Variants in ZNF624 observed in about 807,000 individuals in gnomAD.
The protein encoded by ZNF624 is zinc finger protein 624.
In ZNF624, 43 loss-of-function variants were observed where a neutral mutation model predicts 74.7. The ratio of observed to expected loss-of-function variants is 0.58; its 90% CI spans 0.45 to 0.74. ZNF624 has a LOEUF of 0.74. Ranked by LOEUF, ZNF624 falls within the 30% of genes least tolerant of loss-of-function variation. ZNF624 has a pLI of 0.00. For missense variants in ZNF624, 820 were observed against 1,030.0 expected (o/e 0.80, Z 2.79); for synonymous variants, 331 against 341.3 (o/e 0.97, Z 0.33).
chr17:16,615,956 CATATATATATATATATATAT>C (rs56321425), downstream of ZNF624, among the ~76,000 whole-genome samples: 59 of 90,320 alleles, frequency 6.5e-4, 1 homozygote, highest in South Asian at 3.2e-3. Context: ...ATTCCATATA[CATATATATATATATATATAT>C]ATATATATAT....
intron 3 of ZNF624, among the ~76,000 whole-genome samples, chr17:16,636,054 C>A (rs1051717022): frequency 3.9e-5 from 6 of 152,138 alleles, no homozygotes; most frequent in African/African-American, 1.4e-4. Context: ...CTATGAAAGA[C>A]TACTAGGGTC....
intron 3 of ZNF624, among the ~76,000 whole-genome samples, chr17:16,644,548 C>G (rs926370030): frequency 6.6e-6 from 1 of 152,102 alleles, no homozygotes; most frequent in Non-Finnish European, 1.5e-5. Context: ...CTGATGCATA[C>G]AATGGAAACC....
intron 3 of ZNF624, among the ~76,000 whole-genome samples, chr17:16,636,690 G>C (rs940551742): frequency 2.0e-5 from 3 of 152,098 alleles, no homozygotes; most frequent in African/African-American, 7.2e-5. Flanking sequence ...CAAAAAATTA[G>C]CCGGGTGTGG....
chr17:16,615,893 A>G (rs934544521), downstream of ZNF624, among the ~76,000 whole-genome samples: 15 of 150,226 alleles, frequency 1.0e-4, no homozygotes, highest in African/African-American at 3.7e-4. Context: ...GAACAATTAT[A>G]AATAAGTGAA....
downstream of ZNF624, among the ~76,000 whole-genome samples, chr17:16,619,216 AAAT>A (rs757875942): frequency 6.6e-6 from 1 of 152,220 alleles, no homozygotes; most frequent in Non-Finnish European, 1.5e-5. Context: ...TCCATACCAT[AAAT>A]ATTAATTTCA....
chr17:16,646,535 A>G (rs2142650109), intron 3 of ZNF624, among the ~76,000 whole-genome samples: 1 of 152,380 alleles, frequency 6.6e-6, no homozygotes, highest in Non-Finnish European at 1.5e-5. Flanking sequence ...GAAGCTTGAC[A>G]AGACAGGTTT....
At chr17:16,634,177 C>G (rs1597494364) in intron 4 of ZNF624, among the ~76,000 whole-genome samples, 2 of 152,046 alleles carry the variant, frequency 1.3e-5, no homozygotes, top group African/African-American at 4.8e-5. Context: ...ATGGACTAGC[C>G]AAATTTCAAG....
At chr17:16,647,942 A>T (rs1248454400) in intron 2 of ZNF624, among the ~76,000 whole-genome samples, 8 of 149,942 alleles carry the variant, frequency 5.3e-5, no homozygotes, top group Non-Finnish European at 7.4e-5. Context: ...TTTATTTTTT[A>T]TTTTTTTTGA....
chr17:16,623,752 G>A lies in ZNF624; in HGVS notation c.1134C>T (p.His378=). Residue 378 remains histidine, a synonymous_variant, in exon 6 of 6, where the codon CAC becomes CAT. Transcript: ENST00000311331. The surrounding 1 kb of genome is among the most constrained non-coding windows in gnomAD (Gnocchi z 5.3). ...GTTTCTCTCCAGTTTGAATTCTCTG[G>A]TGCTGATTAAGACGGGCACACTGGC... is the stretch of plus-strand genomic sequence containing the variant. ...SFSQCARLNQ[H]QRIQTGEKPY... The A allele has an allele frequency of 6.2e-7, 1 of 1,613,924 alleles. No individual in the cohort carries two copies. The highest frequency in any genetic ancestry group is 8.5e-7 in the Non-Finnish European group (1 of 1,179,986).
At chr17:16,638,824 C>T (rs1249703728) in intron 3 of ZNF624, among the ~76,000 whole-genome samples, 1 of 151,748 alleles carries the variant, frequency 6.6e-6, no homozygotes, top group Non-Finnish European at 1.5e-5. Context: ...ACCTGCACAT[C>T]GTGCACATGT....
chr17:16,647,458 A>G, intron 2 of ZNF624, 64 bp from the exon 3 acceptor site: 1 of 1,343,968 alleles, frequency 7.4e-7, no homozygotes, highest in Non-Finnish European at 1.1e-6. Context: ...CAGAGCCTCA[A>G]CAAGCACCAC....
chr17:16,638,636 C>G (rs950958008), intron 3 of ZNF624, among the ~76,000 whole-genome samples: 1 of 152,112 alleles, frequency 6.6e-6, no homozygotes, highest in African/African-American at 2.4e-5. Flanking sequence ...ACTGAATGTT[C>G]TCACTCATAG....
chr17:16,642,137 T>C (rs1436020558), intron 3 of ZNF624, among the ~76,000 whole-genome samples: 5 of 152,202 alleles, frequency 3.3e-5, no homozygotes, highest in Admixed American at 6.5e-5. Flanking sequence ...GCTTTTTTTT[T>C]CCTGAAATGG....
At chr17:16,619,699 T>C (rs967572123), downstream of ZNF624, among the ~76,000 whole-genome samples, 53 of 152,200 alleles carry the variant, frequency 3.5e-4, no homozygotes, top group Non-Finnish European at 8.8e-5. Context: ...TCTAGTCAGG[T>C]TGGTGTGGGT....
At chr17:16,651,886 G>A (rs936125574) in intron 1 of ZNF624, among the ~76,000 whole-genome samples, 3 of 152,052 alleles carry the variant, frequency 2.0e-5, no homozygotes, top group Non-Finnish European at 2.9e-5. Context: ...GCTTGAACAA[G>A]TACACCTTAA....
At chr17:16,619,391 CATTT>C (rs768209735), downstream of ZNF624, among the ~76,000 whole-genome samples, 15 of 152,102 alleles carry the variant, frequency 9.9e-5, no homozygotes, top group South Asian at 6.2e-4. Flanking sequence ...CAAAGGACAT[CATTT>C]AGAGAGTGAA....
chr17:16,628,656 T>C (rs2142585353), intron 5 of ZNF624, among the ~76,000 whole-genome samples: 1 of 151,624 alleles, frequency 6.6e-6, no homozygotes, highest in South Asian at 2.1e-4. Flanking sequence ...ACATCCAGGA[T>C]AGGGTGAAAA....
intron 3 of ZNF624, among the ~76,000 whole-genome samples, chr17:16,646,539 C>CA (rs959489641): frequency 3.3e-5 from 5 of 152,114 alleles, no homozygotes; most frequent in Non-Finnish European, 7.4e-5. Flanking sequence ...CTTGACAAGA[C>CA]AGGTTTAAAG....
At position 16,622,422 on chromosome 17, in the gene ZNF624, C is replaced by T; in HGVS notation, c.2464G>A (p.Asp822Asn). Residue 822 changes from aspartate (D) to asparagine (N), a missense_variant, in exon 6 of 6, where the codon GAC (aspartate) becomes AAC (asparagine). Asp to Asn is a conservative substitution (Grantham distance 23, BLOSUM62 1). Transcript: ENST00000311331. ...TGCATCCTCAAGTGTACAGTAAAGT[C>T]TGAGTTAGTTCTGAAGGCTTTTCCA... is the stretch of plus-strand genomic sequence containing the variant. ...ECGKAFRTNS[D>N]FTVHLRMHTG... 1.2e-6 allele frequency: 2 copies of T among 1,613,626 alleles called. No individual in the cohort carries two copies. The highest frequency in any genetic ancestry group is 1.7e-6 in the Non-Finnish European group (2 of 1,179,828).
Sources: gnomAD v4.1 joint callset for allele counts (sites outside exome capture counted in the v4.1 genomes callset) on GRCh38, gnomAD v4.1.1 for gene constraint, Gnocchi (gnomAD v3.1) non-coding constraint, MANE v1.5 for transcripts, NCBI Gene and HGNC (gene_info 2026-07-23, HGNC 2026-07-21) for gene names.